Variants in MYO3B observed in about 807,000 individuals in gnomAD.
The protein encoded by MYO3B is myosin IIIB, also known as myosin-IIIb.
In MYO3B, 156 loss-of-function variants were observed where a neutral mutation model predicts 174.6. The ratio of observed to expected loss-of-function variants is 0.89; its 90% CI spans 0.78 to 1.02. The LOEUF is 1.02. Among genes scored for constraint, MYO3B ranks in the 50% least tolerant of loss-of-function variants. The probability of loss-of-function intolerance (pLI) is 0.00; values close to 1 mark genes in which losing one functional copy is unlikely to be tolerated. For synonymous variants in MYO3B, 563 were observed against 569.1 expected (o/e 0.99, Z 0.15); for missense variants, 1,632 against 1,639.4 (o/e 1.00, Z 0.08).
At chr2:170,302,384 G>A (rs566832313) in intron 7 of MYO3B, among the ~76,000 whole-genome samples, 34 of 152,152 alleles carry the variant, frequency 2.2e-4, no homozygotes, top group Non-Finnish European at 8.8e-5. Context: ...GCCTTAAATG[G>A]ATGAGTTCTC....
At chr2:170,472,345 A>T (rs1004725343) in intron 25 of MYO3B, among the ~76,000 whole-genome samples, 1 of 151,902 alleles carries the variant, frequency 6.6e-6, no homozygotes, top group African/African-American at 2.4e-5. Flanking sequence ...CTCAGATCAC[A>T]CTCCAGCCAA....
In MYO3B at chr2:170,560,178, C is replaced by T. The variant is rs1040835939; in HGVS notation, c.3733+16190C>T. On this transcript the variant is annotated intron_variant, in intron 32 of 34. Coordinates refer to ENST00000408978, the MANE Select transcript of MYO3B (RefSeq NM_138995.5). ...TCAAATTATCAAGTCTTCTGGAGTG[C>T]GCTACAATTTCTAAAAAACTACACT... 3.9e-5 allele frequency among the ~76,000 whole-genome samples: 6 copies of T among 152,272 alleles called. No homozygotes were observed. In the East Asian group the frequency reaches 7.7e-4, roughly 20 times the overall value.
chr2:170,614,198 G>A (rs942523026), intron 32 of MYO3B, among the ~76,000 whole-genome samples: 1 of 152,080 alleles, frequency 6.6e-6, no homozygotes, highest in Non-Finnish European at 1.5e-5. Context: ...CTGCTTAGTT[G>A]GATAAACCTA....
intron 32 of MYO3B, among the ~76,000 whole-genome samples, chr2:170,611,066 C>G (rs1559157843): frequency 6.6e-6 from 1 of 152,090 alleles, no homozygotes; most frequent in African/African-American, 2.4e-5. Context: ...GCTTTATTAA[C>G]CTCCATGTAG....
intron 32 of MYO3B, 86 bp downstream of exon 32, chr2:170,544,074 TTAGA>T: frequency 9.4e-7 from 1 of 1,067,776 alleles, no homozygotes; most frequent in South Asian, 1.4e-5. Flanking sequence ...CAGGACTCAA[TTAGA>T]TAGTAATATG....
intron 25 of MYO3B, among the ~76,000 whole-genome samples, chr2:170,494,726 T>TCA (rs1285080797): frequency 7.9e-5 from 1 of 12,628 alleles, no homozygotes; most frequent in African/African-American, 3.7e-4. Context: ...AAACTGCGTC[T>TCA]CAAAAAAAAA....
chr2:170,512,010 A>G (rs556289746), intron 28 of MYO3B, among the ~76,000 whole-genome samples: 24 of 152,372 alleles, frequency 1.6e-4, no homozygotes, highest in African/African-American at 5.5e-4. Flanking sequence ...GACAAGCAAG[A>G]AACTGATTTC....
chr2:170,192,839 G>C (rs187833244), intron 1 of MYO3B, among the ~76,000 whole-genome samples: 1 of 151,376 alleles, frequency 6.6e-6, no homozygotes, highest in African/African-American at 2.4e-5. Flanking sequence ...AGGTGGCTAG[G>C]TTTCTTCTTT....
At chr2:170,231,452 C>T (rs1318300176) in intron 6 of MYO3B, among the ~76,000 whole-genome samples, 1 of 152,202 alleles carries the variant, frequency 6.6e-6, no homozygotes, top group African/African-American at 2.4e-5. Context: ...TAGCTATTGG[C>T]CTTGGGCACT....
At chr2:170,405,803 G>A (rs2094505766) in intron 21 of MYO3B, among the ~76,000 whole-genome samples, 170 bp downstream of exon 21, 1 of 152,152 alleles carries the variant, frequency 6.6e-6, no homozygotes, top group African/African-American at 2.4e-5. Flanking sequence ...CTCACAGAAA[G>A]TTGCCCCTGG....
At chr2:170,193,335 T>C (rs184507429) in intron 1 of MYO3B, among the ~76,000 whole-genome samples, 74 of 152,188 alleles carry the variant, frequency 4.9e-4, no homozygotes, top group African/African-American at 1.7e-3. Flanking sequence ...ACTTTACTCT[T>C]TTCTGATATT....
intron 14 of MYO3B, among the ~76,000 whole-genome samples, chr2:170,389,010 G>A (rs2094394884): frequency 6.6e-6 from 1 of 152,128 alleles, no homozygotes; most frequent in African/African-American, 2.4e-5. Context: ...CTGACAGAAT[G>A]GAAAGCATAG....
At chr2:170,624,422 T>G (rs889402279) in intron 32 of MYO3B, among the ~76,000 whole-genome samples, 1 of 152,222 alleles carries the variant, frequency 6.6e-6, no homozygotes, top group Non-Finnish European at 1.5e-5. Context: ...TTTTGTATCC[T>G]GAGACTTTGC....
chr2:170,535,013 T>C (rs1689595087), intron 30 of MYO3B, among the ~76,000 whole-genome samples: 1 of 152,214 alleles, frequency 6.6e-6, no homozygotes, highest in African/African-American at 2.4e-5. Context: ...CAATCTAAAA[T>C]TGCAGACCCT....
At chr2:170,324,160 A>G (rs955008025) in intron 7 of MYO3B, among the ~76,000 whole-genome samples, 3 of 152,214 alleles carry the variant, frequency 2.0e-5, no homozygotes, top group African/African-American at 7.2e-5. Context: ...TTTTCAGCTC[A>G]TACAACATTG....
intron 32 of MYO3B, among the ~76,000 whole-genome samples, chr2:170,557,374 C>T (rs1352097770): frequency 2.0e-5 from 3 of 151,758 alleles, no homozygotes; most frequent in Admixed American, 6.6e-5. Context: ...CTCCTGACCT[C>T]GTGATCCGCC....
At chr2:170,506,334 CT>C (rs1282458793) in intron 28 of MYO3B, among the ~76,000 whole-genome samples, 2 of 152,202 alleles carry the variant, frequency 1.3e-5, no homozygotes, top group Non-Finnish European at 2.9e-5. Flanking sequence ...TTCTCCTAGC[CT>C]TTTCAAAAGG....
chr2:170,501,866 G>T lies in MYO3B; in HGVS notation c.3370+1G>T, dbSNP rs201014922. On this transcript the variant is annotated splice_donor_variant, in intron 28 of 34. Transcript: ENST00000408978. LOFTEE classifies it high-confidence loss of function. ...GAGTCTGCTGCTCATAATCAAGCAG[G>T]TAATTAAAACATCATTTTCACAGTG... The T allele has an allele frequency of 1.4e-5, 23 of 1,600,098 alleles. No homozygotes were observed. In the South Asian group the frequency reaches 2.0e-4, roughly 14 times the overall value.
chr2:170,499,793 A>G lies in MYO3B; in HGVS notation c.3274A>G (p.Ile1092Val), dbSNP rs34219776. Residue 1092 changes from isoleucine (I) to valine (V), a missense_variant, in exon 27 of 35, where the codon ATT (isoleucine) becomes GTT (valine). Ile to Val is a conservative substitution (Grantham distance 29). Transcript: ENST00000408978. ...CAGAGAGAAGAGAGAGAAGGGAGCC[A>G]TTGCCATCCAGTCAGGTAAATGGTC... Reference protein sequence around the residue: ...RVREKREKGAIAIQSAWRGYD... With the variant: ...RVREKREKGAVAIQSAWRGYD... The G allele has an allele frequency of 2.1e-5, 34 of 1,613,798 alleles. No homozygotes were observed. The East Asian group carries it at 6.5e-4, about 31-fold the overall frequency.
Sources: gnomAD v4.1 joint callset for allele counts (sites outside exome capture counted in the v4.1 genomes callset) on GRCh38, gnomAD v4.1.1 for gene constraint, MANE v1.5 for transcripts, NCBI Gene and HGNC (gene_info 2026-07-23, HGNC 2026-07-21) for gene names.